Variants in CDH18 observed in about 807,000 individuals in gnomAD.
The protein encoded by CDH18 is cadherin-18.
A neutral mutation model predicts 67.9 loss-of-function variants in CDH18; 31 were observed. That is an observed-to-expected ratio of 0.46 (90% CI 0.34 to 0.62). CDH18 has a LOEUF of 0.62. Ranked by LOEUF, CDH18 falls within the 20% of genes least tolerant of loss-of-function variation. The pLI is 0.01. For synonymous variants in CDH18, 362 were observed against 347.2 expected (o/e 1.04, Z -0.48); for missense variants, 890 against 975.5 (o/e 0.91, Z 1.17).
At chr5:19,752,684 C>A (rs868446182) in intron 3 of CDH18, among the ~76,000 whole-genome samples, 8 of 152,300 alleles carry the variant, frequency 5.3e-5, no homozygotes, top group African/African-American at 1.9e-4. Context: ...ACAGCTGATG[C>A]TCTCTGGAAA....
intron 2 of CDH18, among the ~76,000 whole-genome samples, chr5:20,070,131 T>G (rs1291033245): frequency 6.6e-6 from 1 of 152,202 alleles, no homozygotes; most frequent in African/African-American, 2.4e-5. Flanking sequence ...TAGTTTTGCC[T>G]TTTCCCAAAA....
chr5:20,055,942 G>C (rs1741858842), intron 2 of CDH18, among the ~76,000 whole-genome samples: 1 of 150,708 alleles, frequency 6.6e-6, no homozygotes, highest in Non-Finnish European at 1.5e-5. Context: ...GCATTATATA[G>C]GGCTTGCATC....
chr5:19,969,118 G>T (rs892529969), intron 2 of CDH18, among the ~76,000 whole-genome samples: 1,723 of 147,046 alleles, frequency 0.012, 95 homozygotes, highest in African/African-American at 0.045. Flanking sequence ...GGCCATCAGA[G>T]AAATGCAAAT....
intron 2 of CDH18, among the ~76,000 whole-genome samples, chr5:20,096,867 G>T (rs771240497): frequency 4.6e-5 from 7 of 152,028 alleles, no homozygotes; most frequent in Admixed American, 2.0e-4. Flanking sequence ...CTAATTTACA[G>T]GTAAATGGTA....
At chr5:19,541,020 C>T (rs1561301686) in intron 9 of CDH18, among the ~76,000 whole-genome samples, 1 of 152,052 alleles carries the variant, frequency 6.6e-6, no homozygotes, top group Non-Finnish European at 1.5e-5. Context: ...CTTTTATGCT[C>T]TGCTTCCTCT....
chr5:20,374,260 G>A (rs1743236090), intron 1 of CDH18, among the ~76,000 whole-genome samples: 1 of 152,196 alleles, frequency 6.6e-6, no homozygotes, highest in African/African-American at 2.4e-5. Context: ...GCAGAAGAGA[G>A]AAAGCAAAGT....
At chr5:20,534,727 CTTTG>C (rs1756613429) in intron 1 of CDH18, among the ~76,000 whole-genome samples, 1 of 151,804 alleles carries the variant, frequency 6.6e-6, no homozygotes, top group Admixed American at 6.6e-5. Context: ...TTTTATTTTT[CTTTG>C]TTTACCAAAA....
In CDH18 at chr5:19,516,422, T is replaced by C. The variant is rs1019701761; in HGVS notation, c.1512+4235A>G. On this transcript the variant is annotated intron_variant, in intron 10 of 12. Transcript: ENST00000382275. The stretch of plus-strand genomic sequence containing the variant: ...TTGATTGGAATAGTTTCAGAAGGAA[T>C]GGTACCAGCTCCTCTTTGTACCTCT... 3.7e-4 allele frequency among the ~76,000 whole-genome samples: 56 copies of C among 152,214 alleles called. 1 individual carries two copies. The highest frequency in any genetic ancestry group is 2.5e-4 in the Non-Finnish European group (17 of 68,030).
chr5:19,764,707 A>G (rs1465964484), intron 3 of CDH18, among the ~76,000 whole-genome samples: 4 of 151,870 alleles, frequency 2.6e-5, no homozygotes, highest in East Asian at 1.9e-4. Flanking sequence ...GTGTGTGTGT[A>G]TATAGTTATT....
At chr5:20,042,943 CAG>C (rs1303498261) in intron 2 of CDH18, among the ~76,000 whole-genome samples, 2 of 151,982 alleles carry the variant, frequency 1.3e-5, no homozygotes, top group African/African-American at 4.8e-5. Flanking sequence ...GCCTGGGCGA[CAG>C]AGCCAGACTC....
At chr5:19,769,952 A>T (rs377590487) in intron 3 of CDH18, among the ~76,000 whole-genome samples, 1 of 152,064 alleles carries the variant, frequency 6.6e-6, no homozygotes, top group African/African-American at 2.4e-5. Flanking sequence ...TCAAAAGAAG[A>T]TATGTAAACA....
At chr5:20,376,107 T>TTTTTTTTTTTTTTTTG (rs1318320616) in intron 1 of CDH18, among the ~76,000 whole-genome samples, 5 of 112,902 alleles carry the variant, frequency 4.4e-5, no homozygotes, top group African/African-American at 1.2e-4. Context: ...TTTTTTTTTT[T>TTTTTTTTTTTTTTTTG]TTTTGAGACG....
chr5:20,499,853 C>G (rs1754144515), intron 1 of CDH18, among the ~76,000 whole-genome samples: 1 of 152,094 alleles, frequency 6.6e-6, no homozygotes, highest in African/African-American at 2.4e-5. Flanking sequence ...TGTATACTGA[C>G]AAATTGCCAT....
chr5:19,727,598 C>T (rs1767008977), intron 4 of CDH18, among the ~76,000 whole-genome samples: 2 of 152,070 alleles, frequency 1.3e-5, no homozygotes, highest in Admixed American at 1.3e-4. Context: ...GCCTGTGGCA[C>T]TTTTGTAGGG....
chr5:19,849,743 CAT>C (rs70954613), intron 2 of CDH18, among the ~76,000 whole-genome samples: 1,848 of 54,260 alleles, frequency 0.034, 212 homozygotes, highest in African/African-American at 0.14. Flanking sequence ...TATATATAAA[CAT>C]ATATATACAC....
intron 7 of CDH18, among the ~76,000 whole-genome samples, chr5:19,583,551 T>C (rs1743622709): frequency 6.6e-6 from 1 of 152,070 alleles, no homozygotes; most frequent in Non-Finnish European, 1.5e-5. Context: ...GAAATAAAGA[T>C]GGCAGCAAAA....
At chr5:19,871,635 A>G (rs541852011) in intron 2 of CDH18, among the ~76,000 whole-genome samples, 106 of 152,318 alleles carry the variant, frequency 7.0e-4, no homozygotes, top group African/African-American at 2.4e-3. Context: ...TGAGATAAGG[A>G]TAAGTCGGCT....
intron 5 of CDH18, among the ~76,000 whole-genome samples, chr5:19,703,031 T>C (rs1763469899): frequency 7.7e-6 from 1 of 130,156 alleles, no homozygotes; most frequent in Non-Finnish European, 1.8e-5. Context: ...ATCACTGGCT[T>C]GCTGTCAATA....
At chr5:19,793,539 G>C (rs916414354) in intron 3 of CDH18, among the ~76,000 whole-genome samples, 1 of 151,942 alleles carries the variant, frequency 6.6e-6, no homozygotes, top group Non-Finnish European at 1.5e-5. Flanking sequence ...AACATACCAC[G>C]GCTTACTCAC....
Sources: allele counts gnomAD v4.1 joint callset (sites outside exome capture counted in the v4.1 genomes callset), GRCh38; gene constraint gnomAD v4.1.1; transcripts MANE v1.5; gene names NCBI Gene and HGNC (gene_info 2026-07-23, HGNC 2026-07-21).